The following DLG2 variants were observed in gnomAD, a reference collection of about 807,000 sequenced individuals.
The protein encoded by DLG2 is discs large MAGUK scaffold protein 2.
A neutral mutation model predicts 132.5 loss-of-function variants in DLG2; 45 were observed. The ratio of observed to expected loss-of-function variants is 0.34; its 90% CI spans 0.27 to 0.44. The LOEUF is 0.44. DLG2 is among the 20% of genes least tolerant of loss of function. DLG2 has a pLI of 1.00. For synonymous variants in DLG2, 424 were observed against 419.6 expected (o/e 1.01, Z -0.13); for missense variants, 1,045 against 1,196.9 (o/e 0.87, Z 1.87).
At chr11:83,927,711 T>C (rs538160754) in intron 15 of DLG2, among the ~76,000 whole-genome samples, 1 of 152,290 alleles carries the variant, frequency 6.6e-6, no homozygotes, top group South Asian at 2.1e-4. Flanking sequence ...CAGATCACTT[T>C]GGTTGCACTG....
chr11:84,630,466 A>G (rs2099629616), intron 6 of DLG2, among the ~76,000 whole-genome samples: 1 of 152,182 alleles, frequency 6.6e-6, no homozygotes, highest in Non-Finnish European at 1.5e-5. Flanking sequence ...CAACATTTTT[A>G]AACATCATGA....
At chr11:84,306,112 A>G (rs181446279) in intron 7 of DLG2, among the ~76,000 whole-genome samples, 1 of 152,040 alleles carries the variant, frequency 6.6e-6, no homozygotes, top group Non-Finnish European at 1.5e-5. Context: ...ATTTTAAAGT[A>G]GTTAAAATAA....
intron 16 of DLG2, among the ~76,000 whole-genome samples, chr11:83,856,000 C>G (rs2060483575): frequency 6.6e-6 from 1 of 152,188 alleles, no homozygotes; most frequent in Non-Finnish European, 1.5e-5. Context: ...CCTCCACCCT[C>G]TGTCAGGCCC....
intron 9 of DLG2, among the ~76,000 whole-genome samples, chr11:84,159,826 T>G (rs2095507200): frequency 6.6e-6 from 1 of 152,128 alleles, no homozygotes; most frequent in African/African-American, 2.4e-5. Flanking sequence ...GGTGGTAAGA[T>G]CTGACTGATT....
chr11:84,321,890 C>A (rs1260725519), intron 7 of DLG2, among the ~76,000 whole-genome samples: 7 of 152,156 alleles, frequency 4.6e-5, no homozygotes, highest in Non-Finnish European at 5.9e-5. Flanking sequence ...ACCGGGTCAC[C>A]TTCTAAGATA....
intron 11 of DLG2, among the ~76,000 whole-genome samples, chr11:84,003,365 C>T (rs116327386): frequency 0.018 from 2,794 of 152,256 alleles, 82 homozygotes; most frequent in South Asian, 0.062. Flanking sequence ...GTCTTTATAG[C>T]AGCACCCCAC....
At chr11:85,198,046 T>C (rs1358892711) in intron 4 of DLG2, among the ~76,000 whole-genome samples, 2 of 152,138 alleles carry the variant, frequency 1.3e-5, no homozygotes, top group African/African-American at 4.8e-5. Context: ...GCATTCTTCC[T>C]GTCGGGACCA....
chr11:84,344,931 C>A (rs2098532536), intron 7 of DLG2, among the ~76,000 whole-genome samples: 1 of 151,968 alleles, frequency 6.6e-6, no homozygotes, highest in African/African-American at 2.4e-5. Context: ...CATGATATTT[C>A]TTTTGTACAT....
chr11:84,500,942 C>T (rs2099202572), intron 7 of DLG2, among the ~76,000 whole-genome samples: 1 of 152,104 alleles, frequency 6.6e-6, no homozygotes, highest in Non-Finnish European at 1.5e-5. Context: ...AAGGACCCTA[C>T]AATAATTCTC....
intron 6 of DLG2, among the ~76,000 whole-genome samples, chr11:84,773,453 G>C (rs1359518616): frequency 6.6e-6 from 1 of 152,026 alleles, no homozygotes; most frequent in Non-Finnish European, 1.5e-5. Context: ...ACCAAAACCT[G>C]GCAGAGACAC....
At position 85,154,620 on chromosome 11, in the gene DLG2, G is replaced by A. The variant is rs766769180; in HGVS notation, c.218C>T (p.Ala73Val). The change falls in exon 5 of 28, where the codon GCT (alanine) becomes GTT (valine). Residue 73 changes from alanine to valine, a missense_variant. Around this residue, in one of 4 missense-constraint regions of DLG2, gnomAD observed 277 missense variants for 238.2 expected, o/e 1.16. Transcript: ENST00000376104. ...LTDCSGSKEN[A>V]SCIEQNKENQ... ...TTCTTTATTTTGCTCAATACATGAAGCATTTTCCTTTGATCCACTGCAATC... is the reference window on the plus strand; with the variant it reads ...TTCTTTATTTTGCTCAATACATGAAACATTTTCCTTTGATCCACTGCAATC... 3 of 1,535,210 alleles carry A rather than the reference G, an allele frequency of 2.0e-6. No homozygotes were observed. The highest frequency in any genetic ancestry group is 2.6e-6 in the Non-Finnish European group (3 of 1,134,010).
intron 11 of DLG2, among the ~76,000 whole-genome samples, chr11:83,991,067 A>AT (rs2093683394): frequency 6.6e-6 from 1 of 152,142 alleles, no homozygotes; most frequent in South Asian, 2.1e-4. Context: ...TAGAAAGAAA[A>AT]TTTTGCTTTA....
At chr11:84,410,494 C>CA (rs1191929677) in intron 7 of DLG2, among the ~76,000 whole-genome samples, 3 of 145,086 alleles carry the variant, frequency 2.1e-5, no homozygotes, top group Non-Finnish European at 4.5e-5. Flanking sequence ...TGGCTTATTC[C>CA]AAAAAAAAGA....
intron 6 of DLG2, among the ~76,000 whole-genome samples, chr11:84,613,477 G>C (rs1265686825): frequency 6.6e-6 from 1 of 151,866 alleles, no homozygotes; most frequent in Non-Finnish European, 1.5e-5. Context: ...TCTGAGATTT[G>C]GTTTCTTCAA....
At chr11:85,346,728 G>A (rs940913774) in intron 3 of DLG2, among the ~76,000 whole-genome samples, 1 of 152,126 alleles carries the variant, frequency 6.6e-6, no homozygotes, top group Non-Finnish European at 1.5e-5. Flanking sequence ...TCAAAATGGA[G>A]TCGCTTTGGT....
chr11:83,690,646 T>C (rs928793708), intron 18 of DLG2, among the ~76,000 whole-genome samples: 1 of 123,976 alleles, frequency 8.1e-6, no homozygotes, highest in South Asian at 2.5e-4. Context: ...TATACCTCTG[T>C]AGAGGGTATC....
chr11:85,097,477 A>C (rs1208189002), intron 6 of DLG2, among the ~76,000 whole-genome samples: 1 of 152,212 alleles, frequency 6.6e-6, no homozygotes, highest in Non-Finnish European at 1.5e-5. Flanking sequence ...AAAGGAGGGA[A>C]GATAGATGTA....
At chr11:85,428,349 T>A (rs887399324) in intron 3 of DLG2, among the ~76,000 whole-genome samples, 1 of 152,142 alleles carries the variant, frequency 6.6e-6, no homozygotes, top group African/African-American at 2.4e-5. Context: ...ACACCCCACT[T>A]ATTCCAAAAT....
intron 23 of DLG2, 42 bp from the exon 24 acceptor site, chr11:83,471,769 T>C (rs1415559913): frequency 1.3e-6 from 2 of 1,516,470 alleles, no homozygotes; most frequent in African/African-American, 2.8e-5. Flanking sequence ...GAGAAAGAGT[T>C]GGAAACAACT....
Sources: gnomAD v4.1 joint callset for allele counts (sites outside exome capture counted in the v4.1 genomes callset) on GRCh38, gnomAD v4.1.1 for gene constraint, gnomAD v4.1.1 regional missense constraint, MANE v1.5 for transcripts, NCBI Gene and HGNC (gene_info 2026-07-23, HGNC 2026-07-21) for gene names.